Variants in CENPC observed in about 807,000 individuals in gnomAD.
The protein encoded by CENPC is CENP-C 1.
CENPC carries 63 observed loss-of-function variants against 112.1 expected under a neutral mutation model. That is an observed-to-expected ratio of 0.56 (90% CI 0.46 to 0.69). The LOEUF is 0.69. Ranked by LOEUF, CENPC falls within the 30% of genes least tolerant of loss-of-function variation. The pLI is 0.00. For synonymous variants in CENPC, 333 were observed against 367.6 expected, an observed-to-expected ratio of 0.91 and a Z score of 1.08; for missense variants, 1,000 against 1,103.8, an observed-to-expected ratio of 0.91 and a Z score of 1.33.
chr4:67,537,348 TTA>T (rs1380290244), intron 4 of CENPC, among the ~76,000 whole-genome samples: 1 of 152,208 alleles, frequency 6.6e-6, no homozygotes, highest in East Asian at 1.9e-4. Context: ...TTTTAATGTA[TTA>T]TGTTTCATAA....
intron 12 of CENPC, among the ~76,000 whole-genome samples, chr4:67,500,297 TATAA>T (rs1336807115): frequency 6.6e-6 from 1 of 152,136 alleles, no homozygotes; most frequent in Non-Finnish European, 1.5e-5. Flanking sequence ...CCTGTATAAA[TATAA>T]ATATAGAAAT....
intron 5 of CENPC, among the ~76,000 whole-genome samples, chr4:67,523,271 C>CAACTT (rs1560438721): frequency 6.6e-6 from 1 of 150,988 alleles, no homozygotes; most frequent in Admixed American, 6.6e-5. Context: ...CGAGATCACG[C>CAACTT]CACTGCATTT....
chr4:67,492,976 A>T lies in CENPC; in HGVS notation c.2312T>A (p.Val771Glu). ...RPSGGFVISG[V>E]LSPDTISSKR... ...AGACGATATTGTGTCTGGAGATAGT[A>T]CTCCACTAATCACGAATCCTCCTGA... Residue 771 changes from valine to glutamate, a missense_variant, in exon 15 of 19, where the codon GTA (valine) becomes GAA (glutamate). Coordinates refer to ENST00000273853, the MANE Select transcript of CENPC (RefSeq NM_001812.4). 2 of 1,534,460 alleles carry T rather than the reference A, an allele frequency of 1.3e-6. No homozygotes were observed. Among genetic ancestry groups the T allele is most frequent in the Non-Finnish European group, 1.7e-6 (2 of 1,143,044 alleles).
chr4:67,485,191 G>C (rs1351794402), intron 17 of CENPC, among the ~76,000 whole-genome samples: 1 of 152,106 alleles, frequency 6.6e-6, no homozygotes, highest in Non-Finnish European at 1.5e-5. Context: ...TCTGATTGAA[G>C]AATCAAAGAA....
intron 17 of CENPC, among the ~76,000 whole-genome samples, chr4:67,486,022 A>T (rs905318832): frequency 6.6e-6 from 1 of 152,238 alleles, no homozygotes; most frequent in South Asian, 2.1e-4. Flanking sequence ...TTATAACTTA[A>T]TAAGACAAAA....
chr4:67,486,125 A>T (rs762333053), intron 17 of CENPC, among the ~76,000 whole-genome samples: 25 of 152,170 alleles, frequency 1.6e-4, no homozygotes, highest in Non-Finnish European at 2.6e-4. Flanking sequence ...TTTCTCATCT[A>T]TTCAATTTGG....
chr4:67,529,613 AC>A (rs1726486766), intron 5 of CENPC, among the ~76,000 whole-genome samples: 1 of 152,188 alleles, frequency 6.6e-6, no homozygotes, highest in Non-Finnish European at 1.5e-5. Flanking sequence ...GGCATGAGCA[AC>A]CACTCCTGGC....
chr4:67,519,541 GAAT>G (rs1206740860), intron 5 of CENPC, 39 bp from the exon 6 acceptor site: 1 of 1,276,528 alleles, frequency 7.8e-7, no homozygotes, highest in Non-Finnish European at 1.0e-6. Flanking sequence ...TCAATTAAAA[GAAT>G]AATAAGAGAA....
At chr4:67,532,707 T>C (rs925596493) in intron 4 of CENPC, among the ~76,000 whole-genome samples, 4 of 141,210 alleles carry the variant, frequency 2.8e-5, no homozygotes, top group African/African-American at 1.1e-4. Context: ...TGAGAACACA[T>C]GGTCACAGGG....
chr4:67,481,999 T>C (rs571004892), intron 17 of CENPC, among the ~76,000 whole-genome samples: 1 of 152,012 alleles, frequency 6.6e-6, no homozygotes, highest in East Asian at 1.9e-4. Flanking sequence ...TGAAAGAAAA[T>C]ATTCACAAAC....
intron 13 of CENPC, among the ~76,000 whole-genome samples, chr4:67,494,887 C>A (rs1206879031): frequency 2.0e-5 from 3 of 152,124 alleles, no homozygotes. Flanking sequence ...ATTCTCCACC[C>A]TAGCTTCATA....
At chr4:67,481,674 T>C (rs1724961597) in intron 17 of CENPC, among the ~76,000 whole-genome samples, 1 of 152,164 alleles carries the variant, frequency 6.6e-6, no homozygotes, top group Non-Finnish European at 1.5e-5. Context: ...ATTCAACAAA[T>C]GGTGCTGGGA....
At chr4:67,520,576 C>T (rs1319598377) in intron 5 of CENPC, among the ~76,000 whole-genome samples, 1 of 152,152 alleles carries the variant, frequency 6.6e-6, no homozygotes, top group Non-Finnish European at 1.5e-5. Flanking sequence ...TGAACATGGA[C>T]ATCAAAAGGC....
At chr4:67,536,132 C>T (rs1023761182) in intron 4 of CENPC, among the ~76,000 whole-genome samples, 8 of 151,894 alleles carry the variant, frequency 5.3e-5, no homozygotes, top group South Asian at 2.1e-4. Context: ...CCTGTAACAA[C>T]ACAGATAATT....
intron 7 of CENPC, among the ~76,000 whole-genome samples, chr4:67,515,291 C>A (rs1275102413): frequency 6.6e-6 from 1 of 150,478 alleles, no homozygotes; most frequent in Non-Finnish European, 1.5e-5. Flanking sequence ...CATGGTGAAA[C>A]CCCGTCTCTA....
At chr4:67,526,513 T>C (rs1344836175) in intron 5 of CENPC, among the ~76,000 whole-genome samples, 1 of 151,982 alleles carries the variant, frequency 6.6e-6, no homozygotes, top group East Asian at 1.9e-4. Flanking sequence ...AGAATTAATA[T>C]TGCTATTTAA....
intron 12 of CENPC, among the ~76,000 whole-genome samples, chr4:67,496,963 G>A (rs932987952): frequency 7.3e-6 from 1 of 136,690 alleles, no homozygotes; most frequent in Non-Finnish European, 1.5e-5. Flanking sequence ...ATCTCTGTTG[G>A]AAATTCTCCT....
intron 1 of CENPC, 68 bp downstream of exon 1, chr4:67,545,270 C>T: frequency 1.4e-6 from 2 of 1,427,050 alleles, no homozygotes; most frequent in East Asian, 2.9e-5. Context: ...TCCTTCTCCC[C>T]AGCCTCGGGC....
intron 16 of CENPC, among the ~76,000 whole-genome samples, chr4:67,491,445 TCATATATATATATA>T (rs1477458207): frequency 6.7e-4 from 43 of 64,170 alleles, no homozygotes; most frequent in South Asian, 5.0e-3. Context: ...TTTAAATATT[TCATATATATATATA>T]TATATATATA....
Sources: gnomAD v4.1 joint callset for allele counts (sites outside exome capture counted in the v4.1 genomes callset) on GRCh38, gnomAD v4.1.1 for gene constraint, MANE v1.5 for transcripts, NCBI Gene and HGNC (gene_info 2026-07-23, HGNC 2026-07-21) for gene names.